Variants in HCFC1 observed in about 807,000 individuals in gnomAD.
The protein encoded by HCFC1 is host cell factor 1.
HCFC1 carries 7 observed loss-of-function variants against 105.5 expected under a neutral mutation model. The observed-to-expected ratio is 0.07, with a 90% CI of 0.04 to 0.12. The LOEUF (loss-of-function observed/expected upper bound fraction) is 0.12. HCFC1 is among the 10% of genes least tolerant of loss of function. The pLI is 1.00. For missense variants in HCFC1, 1,065 were observed against 1,823.6 expected (o/e 0.58, Z 7.58); for synonymous variants, 918 against 828.1 (o/e 1.11, Z -1.86).
rs2065298588 is a variant in HCFC1, at chrX:153,950,351, G to C, written c.5896C>G (p.Leu1966Val). 5 of 1,209,546 alleles carry C rather than the reference G, an allele frequency of 4.1e-6. No individual in the cohort carries two copies. The highest frequency in any genetic ancestry group is 5.6e-6 in the Non-Finnish European group (5 of 894,899). The change falls in exon 24 of 26, where the codon CTT becomes GTT. Residue 1966 changes from leucine (L) to valine (V), a missense_variant. This residue lies in a region of HCFC1 where 32 missense variants were observed against 68.3 expected (regional missense o/e 0.47). Coordinates refer to ENST00000310441, the MANE Select transcript of HCFC1 (RefSeq NM_005334.3). ...SPSCLVQSSS[L>V]SNAHIDYTTK... ...GTGTAGTCGATGTGGGCGTTGGAAA[G>C]GCTGGAGGACTGCACCAGGCAGGAG...
chrX:153,955,206 C>T lies in HCFC1; in HGVS notation c.3193G>A (p.Gly1065Ser). ...CGGACCACGCTACCATTCTGCTGGC[C>T]CACAGTCGAGGTCACAAGAGAAGCA... ...AAASLVTSTV[G>S]QQNGSVVRVC... is the part of the protein sequence containing the mutation. The change falls in exon 17 of 26, where the codon GGC becomes AGC. Residue 1065 changes from glycine to serine, a missense_variant. Gly to Ser is a moderately conservative substitution (Grantham distance 56). Coordinates refer to ENST00000310441, the MANE Select transcript of HCFC1 (RefSeq NM_005334.3). The T allele has an allele frequency of 8.3e-7, 1 of 1,211,776 alleles. No individual in the cohort carries two copies. The highest frequency in any genetic ancestry group is 1.1e-6 in the Non-Finnish European group (1 of 895,379).
intron 4 of HCFC1, 117 bp downstream of exon 4, chrX:153,963,108 G>GT: frequency 1.8e-6 from 1 of 551,730 alleles, no homozygotes. Flanking sequence ...GCACGAAGTG[G>GT]TATGCTCCAG....
At chrX:153,954,002 G>A (rs1317423954) in intron 17 of HCFC1, 64 bp downstream of exon 17, 20 of 1,119,799 alleles carry the variant, frequency 1.8e-5, no homozygotes, top group Admixed American at 4.8e-5. Context: ...CGCCATCGTT[G>A]TCTTGGCCTT....
At chrX:153,949,447 G>A in intron 25 of HCFC1, 61 bp from the exon 26 acceptor site, 3 of 1,122,470 alleles carry the variant, frequency 2.7e-6, no homozygotes, top group Non-Finnish European at 3.6e-6. Flanking sequence ...TGGAGGCCCT[G>A]CTGGTGCAGG....
chrX:153,963,349 T>G lies in HCFC1; in HGVS notation c.588A>C (p.Leu196=). Residue 196 remains leucine, a synonymous_variant, in exon 4 of 26, where the codon CTA becomes CTC. Coordinates refer to ENST00000310441, the MANE Select transcript of HCFC1 (RefSeq NM_005334.3). The stretch of plus-strand genomic sequence containing the variant: ...CAGTATGTGACTCCCGGGGTGGTGG[T>G]AGGACCCCGTAAGTGATGGGAATGT... The part of the protein sequence containing the change: ...AWDIPITYGV[L]PPPRESHTAV... 1 of 1,206,765 alleles carries G rather than the reference T, an allele frequency of 8.3e-7. No individual in the cohort carries two copies. The highest frequency in any genetic ancestry group is 1.7e-5 in the African/African-American group (1 of 57,673).
At chrX:153,970,550 AGAGGGAGGGAGCAGATGGAGG>A in intron 1 of HCFC1, 77 bp downstream of exon 1, 9 of 494,524 alleles carry the variant, frequency 1.8e-5, no homozygotes, top group Non-Finnish European at 2.9e-5. Context: ...GGGAGGGAGG[AGAGGGAGGGAGCAGATGGAGG>A]GAGGGAGGAA....
intron 6 of HCFC1, among the ~76,000 whole-genome samples, chrX:153,961,259 C>T (rs2065426972): frequency 8.9e-6 from 1 of 112,632 alleles, no homozygotes; most frequent in South Asian, 3.6e-4. Context: ...ACATGGCTGC[C>T]TCTGAGAAGC....
Position 153,952,566 on chromosome X carries a change from G to T in HCFC1, c.4890C>A (p.Ala1630=). The part of the protein sequence containing the change: ...AAAQAAATEE[A]QALAIQAVLQ... ...GCACCGCCTGGATGGCCAGGGCCTG[G>T]GCTTCCTCCGTGGCTGCGGCCTGGG... Residue 1630 remains alanine (A), a synonymous_variant, in exon 19 of 26, where the codon GCC becomes GCA. Coordinates refer to ENST00000310441, the MANE Select transcript of HCFC1 (RefSeq NM_005334.3). The T allele has an allele frequency of 8.4e-7, 1 of 1,196,114 alleles. No homozygotes were observed. Among genetic ancestry groups the T allele is most frequent in the Non-Finnish European group, 1.1e-6 (1 of 886,794 alleles).
intron 5 of HCFC1, 41 bp from the exon 6 acceptor site, chrX:153,961,689 T>C (rs782180790): frequency 1.9e-6 from 2 of 1,027,564 alleles, no homozygotes; most frequent in Admixed American, 4.7e-5. Context: ...ATTGTAGAGT[T>C]GGTGCCAAGC....
rs781829356 is a variant in HCFC1, at chrX:153,955,093, A to G, written c.3306T>C (p.His1102=). The G allele has an allele frequency of 4.2e-6, 5 of 1,193,989 alleles. No individual in the cohort carries two copies. The highest frequency in any genetic ancestry group is 4.5e-6 in the Non-Finnish European group (4 of 889,532). Residue 1102 remains histidine, a synonymous_variant, in exon 17 of 26, where the codon CAT becomes CAC. Transcript: ENST00000310441. The part of the protein sequence containing the change: ...TTATSNMAGQ[H]GCSNPPCETH... ...TCTCGCAGGGTGGGTTTGAGCAGCCATGCTGCCCGGCCATGTTGGAGGTGG... is the reference window on the plus strand; with the variant it reads ...TCTCGCAGGGTGGGTTTGAGCAGCCGTGCTGCCCGGCCATGTTGGAGGTGG...
Position 153,950,745 on chromosome X carries a change from G to C in HCFC1, c.5703+68C>G, listed in dbSNP as rs976799074. On this transcript the variant is annotated intron_variant, in intron 23 of 25. Transcript: ENST00000310441. ...CCTAGCTCTCCTATGCCCCCCCCCG[G>C]CCACCTCATGTGCTGAGGCAGGCAG... 1 of 1,071,045 alleles carries C rather than the reference G, an allele frequency of 9.3e-7. No individual in the cohort carries two copies. Among genetic ancestry groups the C allele is most frequent in the Middle Eastern group, 2.7e-4 (1 of 3,772 alleles). The allele number at this position is 1,071,045 out of a possible 1,213,427, so 88.3% of individuals were successfully genotyped here.
At position 153,956,595 on chromosome X, in the gene HCFC1, T is replaced by A. The variant is rs185613677; in HGVS notation, c.2635+30A>T. The stretch of plus-strand genomic sequence containing the variant: ...GCCCTGCTTCGTTATAATCTAGGGG[T>A]GGCAGGGGACCTGGCCTATGGGTAC... On this transcript the variant is annotated intron_variant, in intron 15 of 25. Transcript: ENST00000310441. 1.6e-4 allele frequency: 192 copies of A among 1,207,092 alleles called. 1 individual carries two copies. Among genetic ancestry groups the A allele is most frequent in the South Asian group, 1.0e-3 (59 of 56,783 alleles).
rs2065286760 is a variant in HCFC1 at position 153,949,284 on chromosome X, C to T, written c.*63G>A. 1 of 1,006,075 alleles carries T rather than the reference C, an allele frequency of 9.9e-7. No individual in the cohort carries two copies. The highest frequency in any genetic ancestry group is 1.4e-6 in the Non-Finnish European group (1 of 718,454). 82.9% of individuals were successfully genotyped at this position (1,006,075 alleles called of 1,213,427 possible). A position where few individuals can be genotyped will look rare whatever the true frequency, so the allele number is the denominator to read the frequency against. On this transcript the variant is annotated 3_prime_UTR_variant, in exon 26 of 26. Coordinates refer to ENST00000310441, the MANE Select transcript of HCFC1 (RefSeq NM_005334.3). ...CTGGGACGGGGTGGGAGGGGTGGGC[C>T]CTGGCGGGTGTTCCTGAAGCAGGGG...
At chrX:153,966,321 C>T (rs2065473726) in intron 1 of HCFC1, among the ~76,000 whole-genome samples, 1 of 112,872 alleles carries the variant, frequency 8.9e-6, no homozygotes, top group Admixed American at 9.3e-5. Flanking sequence ...ACCCACTCTG[C>T]GGGTAGGCTT....
intron 1 of HCFC1, among the ~76,000 whole-genome samples, chrX:153,968,838 T>G (rs1481534696): frequency 8.9e-6 from 1 of 112,205 alleles, no homozygotes. Context: ...GAGAAGGTGC[T>G]GCTCATGGTG....
intron 22 of HCFC1, 150 bp downstream of exon 22, chrX:153,951,200 G>T: frequency 4.3e-6 from 3 of 701,560 alleles, no homozygotes; most frequent in African/African-American, 2.1e-5. Context: ...CTTTTCTACT[G>T]CTTCAGGGGG....
chrX:153,968,770 T>C (rs782505518), intron 1 of HCFC1, among the ~76,000 whole-genome samples: 2 of 112,961 alleles, frequency 1.8e-5, no homozygotes, highest in East Asian at 5.5e-4. Flanking sequence ...TAAAATTGCA[T>C]TTCCCTGCCA....
chrX:153,950,262 T>C lies in HCFC1; in HGVS notation c.5985A>G (p.Thr1995=). The part of the protein sequence containing the change: ...ARNEKGYGPA[T]QVRWLQETSK... ...ACTCACCCTGCAGCCACCTCACTTG[T>C]GTGGCCGGGCCATAGCCCTTCTCAT... The change falls in exon 24 of 26, where the codon ACA becomes ACG. Residue 1995 remains threonine (T), a synonymous_variant. Coordinates refer to ENST00000310441, the MANE Select transcript of HCFC1 (RefSeq NM_005334.3). 1.7e-6 allele frequency: 2 copies of C among 1,184,353 alleles called. No individual in the cohort carries two copies. The highest frequency in any genetic ancestry group is 2.3e-6 in the Non-Finnish European group (2 of 879,915).
chrX:153,947,922 T>A lies in HCFC1; in HGVS notation c.*1425A>T, dbSNP rs956474550. On this transcript the variant is annotated 3_prime_UTR_variant, in exon 26 of 26. Transcript: ENST00000310441. ...CTTGCTCCTCGACAGAAGTTTGGGG[T>A]GGGGGGCAGAAAACTCCAAGCAGAT... is the stretch of plus-strand genomic sequence containing the variant. The A allele has an allele frequency of 6.3e-5, 7 of 110,692 alleles. No individual in the cohort carries two copies. Among genetic ancestry groups the A allele is most frequent in the African/African-American group, 2.3e-4 (7 of 30,369 alleles). 9.1% of individuals were successfully genotyped at this position (110,692 alleles called of 1,213,427 possible).
Sources: gnomAD v4.1 joint callset for allele counts (sites outside exome capture counted in the v4.1 genomes callset) on GRCh38, gnomAD v4.1.1 for gene constraint, gnomAD v4.1.1 regional missense constraint, MANE v1.5 for transcripts, NCBI Gene and HGNC (gene_info 2026-07-23, HGNC 2026-07-21) for gene names.